CBL: variants seen among roughly 807,000 people sequenced by gnomAD.
The protein encoded by CBL is Cbl proto-oncogene, also known as E3 ubiquitin-protein ligase CBL.
CBL carries 45 observed loss-of-function variants against 96.9 expected under a neutral mutation model. The ratio of observed to expected loss-of-function variants is 0.46; its 90% confidence interval spans 0.37 to 0.60. CBL has a LOEUF of 0.60. Among genes scored for constraint, CBL ranks in the 20% least tolerant of loss-of-function variants. The pLI is 0.00. For missense variants in CBL, 1,024 were observed against 1,143.5 expected (o/e 0.90, Z 1.51); for synonymous variants, 420 against 426.8 (o/e 0.98, Z 0.20).
chr11:119,212,451 C>A (rs908912102), intron 1 of CBL, among the ~76,000 whole-genome samples: 3 of 150,254 alleles, frequency 2.0e-5, no homozygotes, highest in African/African-American at 7.3e-5. Context: ...CATGGAGAAA[C>A]CCTGTCTCTA....
At chr11:119,216,388 T>TTTA (rs1565854903) in intron 1 of CBL, among the ~76,000 whole-genome samples, 5 of 124,490 alleles carry the variant, frequency 4.0e-5, no homozygotes, top group East Asian at 2.9e-4. Context: ...TTATTTATTT[T>TTTA]TTGAGATGGA....
At chr11:119,283,835 C>T (rs1949958906) in intron 9 of CBL, among the ~76,000 whole-genome samples, 1 of 151,404 alleles carries the variant, frequency 6.6e-6, no homozygotes, top group South Asian at 2.1e-4. Context: ...GACGGGGTTT[C>T]ACCGTGTTAG....
intron 1 of CBL, among the ~76,000 whole-genome samples, chr11:119,222,895 A>G (rs1949422374): frequency 6.6e-6 from 1 of 152,150 alleles, no homozygotes; most frequent in South Asian, 2.1e-4. Context: ...GAGCATGGCC[A>G]GGCGTGGTGG....
chr11:119,270,905 C>A (rs941229851), intron 2 of CBL, among the ~76,000 whole-genome samples: 4 of 152,142 alleles, frequency 2.6e-5, no homozygotes, highest in Non-Finnish European at 5.9e-5. Flanking sequence ...TAACCATATC[C>A]ATTAAACAGG....
intron 1 of CBL, among the ~76,000 whole-genome samples, chr11:119,215,004 T>C (rs1382458143): frequency 1.3e-5 from 2 of 152,014 alleles, no homozygotes; most frequent in Non-Finnish European, 2.9e-5. Flanking sequence ...ATGATTTGTG[T>C]TTTATGCCTA....
intron 2 of CBL, among the ~76,000 whole-genome samples, chr11:119,244,903 A>G (rs1252132261): frequency 6.6e-6 from 1 of 151,680 alleles, no homozygotes; most frequent in African/African-American, 2.4e-5. Flanking sequence ...ACTGGAGTCC[A>G]GTGACACAAT....
At chr11:119,298,664 A>G (rs1950080157) in intron 15 of CBL, 124 bp downstream of exon 15, 1 of 875,732 alleles carries the variant, frequency 1.1e-6, no homozygotes, top group South Asian at 1.4e-5. Context: ...TTATGTCTAA[A>G]TGGGAGGAAA....
At chr11:119,280,854 A>G (rs1949928482) in intron 9 of CBL, among the ~76,000 whole-genome samples, 2 of 152,148 alleles carry the variant, frequency 1.3e-5, no homozygotes, top group African/African-American at 4.8e-5. Context: ...CACTACAGTT[A>G]TTTGAATTTG....
rs1196310511 is a variant in CBL at position 119,305,709 on chromosome 11, C to T, written c.*5928C>T. The stretch of plus-strand genomic sequence containing the variant: ...TCTTTAGACAGTATACCTGTGTCTT[C>T]TCTGGCAATTGCTTTCATTTTAGTC... On this transcript the variant is annotated 3_prime_UTR_variant, in exon 16 of 16. Transcript: ENST00000264033. The T allele has an allele frequency of 4.4e-6, 1 of 225,600 alleles. No individual in the cohort carries two copies. The highest frequency in any genetic ancestry group is 8.8e-6 in the Non-Finnish European group (1 of 113,552). The allele number at this position is 225,600 out of a possible 1,614,324, so 14.0% of individuals were successfully genotyped here.
intron 2 of CBL, among the ~76,000 whole-genome samples, chr11:119,244,370 T>G (rs1949608651): frequency 6.6e-6 from 1 of 152,036 alleles, no homozygotes; most frequent in African/African-American, 2.4e-5. Flanking sequence ...TCTAATGTAA[T>G]GGTAGGTTAT....
chr11:119,267,018 A>G (rs747199290), intron 2 of CBL, among the ~76,000 whole-genome samples: 2 of 152,202 alleles, frequency 1.3e-5, no homozygotes, highest in Non-Finnish European at 2.9e-5. Context: ...TCTGTATCAT[A>G]CCTCATTCTT....
intron 1 of CBL, among the ~76,000 whole-genome samples, chr11:119,213,622 A>T (rs1038757092): frequency 3.9e-5 from 6 of 152,052 alleles, no homozygotes; most frequent in South Asian, 4.1e-4. Context: ...TGTTTTTTTT[A>T]AAAAGGGATT....
At chr11:119,208,182 C>T (rs1023541270) in intron 1 of CBL, among the ~76,000 whole-genome samples, 2 of 152,204 alleles carry the variant, frequency 1.3e-5, no homozygotes, top group South Asian at 2.1e-4. Context: ...AAAAAAAACA[C>T]ATCGAAGATA....
In CBL at chr11:119,273,927, C is replaced by G. The variant is rs1414264462; in HGVS notation, c.650C>G (p.Ser217Cys). 6 of 1,613,998 alleles carry G rather than the reference C, an allele frequency of 3.7e-6. No homozygotes were observed. In the East Asian group the frequency reaches 1.3e-4, roughly 36 times the overall value. The change falls in exon 4 of 16, where the codon TCT becomes TGT. Residue 217 changes from serine (S) to cysteine (C), a missense_variant. By Grantham distance (112) the Ser-to-Cys change is moderately radical. This residue lies in a region of CBL where 192 missense variants were observed against 321.8 expected (regional missense o/e 0.60). Transcript: ENST00000264033. ...CTACATGAAGTGCATCCCATCAGTT[C>G]TGGGCTGGAGGCCATGGCTCTGAAA... ...QALHEVHPIS[S>C]GLEAMALKST...
At chr11:119,256,653 C>T (rs1048270725) in intron 2 of CBL, among the ~76,000 whole-genome samples, 7 of 150,036 alleles carry the variant, frequency 4.7e-5, no homozygotes, top group Non-Finnish European at 7.4e-5. Context: ...ACCCATTACC[C>T]GAGTAGTGTA....
chr11:119,223,943 A>G (rs76317037), intron 1 of CBL, among the ~76,000 whole-genome samples: 5,276 of 152,098 alleles, frequency 0.035, 123 homozygotes, highest in Non-Finnish European at 0.051. Flanking sequence ...TTGAGACTCT[A>G]TCTCTTAAAA....
intron 1 of CBL, among the ~76,000 whole-genome samples, chr11:119,224,364 A>T (rs570774792): frequency 2.0e-3 from 308 of 152,186 alleles, no homozygotes; most frequent in Admixed American, 4.3e-3. Context: ...CCCACGTCCC[A>T]TCCACCTCAG....
At chr11:119,279,945 G>A (rs1467642941) in intron 9 of CBL, among the ~76,000 whole-genome samples, 1 of 152,206 alleles carries the variant, frequency 6.6e-6, no homozygotes, top group Non-Finnish European at 1.5e-5. Context: ...AAGGACATAT[G>A]TGCAGGTGAA....
At chr11:119,298,313 G>GA in intron 14 of CBL, 45 bp from the exon 15 acceptor site, 1 of 1,539,970 alleles carries the variant, frequency 6.5e-7, no homozygotes, top group Non-Finnish European at 9.0e-7. Context: ...TGTATTAGAA[G>GA]ATGAAGTGCG....
Sources: allele counts gnomAD v4.1 joint callset (sites outside exome capture counted in the v4.1 genomes callset), GRCh38; gene constraint gnomAD v4.1.1; regional missense constraint gnomAD v4.1.1; transcripts MANE v1.5; gene names NCBI Gene and HGNC (gene_info 2026-07-23, HGNC 2026-07-21).